C3orf20: variants seen among roughly 807,000 people sequenced by gnomAD.
The protein encoded by C3orf20 is uncharacterized protein C3orf20.
Under a neutral mutation model 88.3 loss-of-function variants are expected in C3orf20, and 76 were observed. That is an observed-to-expected ratio of 0.86 (90% confidence interval 0.72 to 1.04). The LOEUF (loss-of-function observed/expected upper bound fraction) is 1.04, where lower values mean the gene tolerates loss of function less well. Among genes scored for constraint, C3orf20 ranks in the 50% least tolerant of loss-of-function variants. The pLI is 0.00. For missense variants in C3orf20, 1,056 were observed against 1,123.3 expected, an observed-to-expected ratio of 0.94 and a Z score of 0.86; for synonymous variants, 436 against 437.4, an observed-to-expected ratio of 1.00 and a Z score of 0.04.
At chr3:14,687,195 A>G (rs1337908009) in intron 4 of C3orf20, among the ~76,000 whole-genome samples, 2 of 152,256 alleles carry the variant, frequency 1.3e-5, no homozygotes, top group African/African-American at 2.4e-5. Flanking sequence ...CCATGATACA[A>G]TCATTCAGGA....
chr3:14,742,332 T>A (rs1031178299), intron 12 of C3orf20, among the ~76,000 whole-genome samples: 2 of 152,100 alleles, frequency 1.3e-5, no homozygotes, highest in African/African-American at 4.8e-5. Context: ...GAAAAGTAGG[T>A]TTGGGAGGCG....
intron 12 of C3orf20, among the ~76,000 whole-genome samples, chr3:14,756,489 A>G (rs2035376465): frequency 6.6e-6 from 1 of 152,226 alleles, no homozygotes; most frequent in African/African-American, 2.4e-5. Flanking sequence ...ATTTAAAAGT[A>G]AAAGATATGT....
At chr3:14,755,983 T>C (rs1164704184) in intron 12 of C3orf20, among the ~76,000 whole-genome samples, 2 of 141,056 alleles carry the variant, frequency 1.4e-5, no homozygotes, top group Non-Finnish European at 3.0e-5. Flanking sequence ...GAGCCGAGAT[T>C]GCGCCACTGC....
Position 14,757,475 on chromosome 3 carries a change from G to T in C3orf20, c.2045G>T (p.Gly682Val). 1 of 1,613,470 alleles carries T rather than the reference G, an allele frequency of 6.2e-7. No homozygotes were observed. The highest frequency in any genetic ancestry group is 8.5e-7 in the Non-Finnish European group (1 of 1,179,994). ...KLMLKEDTRA[G>V]CKCLVKAPLV... Reference sequence around the variant, plus strand: ...ATGCTCAAGGAAGACACCCGTGCTGGCTGCAAGTGCCTGGTGAAGGCGCCC... The same window carrying T: ...ATGCTCAAGGAAGACACCCGTGCTGTCTGCAAGTGCCTGGTGAAGGCGCCC... The change falls in exon 13 of 17, where the codon GGC (glycine) becomes GTC (valine). Residue 682 changes from glycine (G) to valine (V), a missense_variant. Gly to Val is a moderately radical substitution (Grantham distance 109). Coordinates refer to ENST00000253697, the MANE Select transcript of C3orf20 (RefSeq NM_032137.5).
chr3:14,700,841 G>A (rs1272706493), intron 5 of C3orf20, among the ~76,000 whole-genome samples: 1 of 152,192 alleles, frequency 6.6e-6, no homozygotes, highest in Non-Finnish European at 1.5e-5. Flanking sequence ...GTCACTTTGG[G>A]TGTCGGGGCC....
chr3:14,709,031 A>G (rs1276399399), intron 7 of C3orf20, among the ~76,000 whole-genome samples: 1 of 152,262 alleles, frequency 6.6e-6, no homozygotes, highest in Non-Finnish European at 1.5e-5. Context: ...AATGAACAAA[A>G]GGAAATTATG....
At chr3:14,738,986 T>A (rs1304445468) in intron 12 of C3orf20, among the ~76,000 whole-genome samples, 3 of 151,738 alleles carry the variant, frequency 2.0e-5, no homozygotes, top group Non-Finnish European at 4.4e-5. Flanking sequence ...AGACGGGGTT[T>A]CGCCATGTTG....
chr3:14,679,866 T>C (rs915315168), intron 1 of C3orf20, among the ~76,000 whole-genome samples: 5 of 152,182 alleles, frequency 3.3e-5, no homozygotes, highest in Admixed American at 1.3e-4. Flanking sequence ...TAGGTCTGAA[T>C]ACACATTTCT....
At chr3:14,743,108 A>G (rs902856293) in intron 12 of C3orf20, among the ~76,000 whole-genome samples, 1 of 151,974 alleles carries the variant, frequency 6.6e-6, no homozygotes, top group Non-Finnish European at 1.5e-5. Context: ...GCATTAACCC[A>G]AAAGTCCAGT....
intron 10 of C3orf20, chr3:14,722,327 G>A: frequency 2.6e-6 from 1 of 383,452 alleles, no homozygotes; most frequent in Non-Finnish European, 5.3e-6. Context: ...GCCCATGCGT[G>A]AAACATTCCC....
Position 14,703,171 on chromosome 3 carries a change from C to G in C3orf20, c.787C>G (p.His263Asp). ...TTEDVSMPPL[H>D]RGVGTPANSL... is the part of the protein sequence containing the mutation. ...AGAAGATGTCAGCATGCCGCCCCTG[C>G]ATCGAGGAGTGGGAACCCCTGCCAA... is the stretch of plus-strand genomic sequence containing the variant. Residue 263 changes from histidine (H) to aspartate (D), a missense_variant, in exon 6 of 17, where the codon CAT becomes GAT. Transcript: ENST00000253697. The G allele has an allele frequency of 6.2e-7, 1 of 1,614,198 alleles. No homozygotes were observed. Among genetic ancestry groups the G allele is most frequent in the Non-Finnish European group, 8.5e-7 (1 of 1,180,040 alleles).
At chr3:14,694,756 T>G (rs2124916230) in intron 5 of C3orf20, among the ~76,000 whole-genome samples, 1 of 152,240 alleles carries the variant, frequency 6.6e-6, no homozygotes, top group East Asian at 1.9e-4. Context: ...TTTCTAGTTC[T>G]TTAAGTTGCA....
At chr3:14,719,586 C>T (rs2034072360) in intron 9 of C3orf20, among the ~76,000 whole-genome samples, 3 of 152,096 alleles carry the variant, frequency 2.0e-5, no homozygotes. Context: ...TGGACCCTGA[C>T]CTAGGGTGAG....
intron 12 of C3orf20, among the ~76,000 whole-genome samples, chr3:14,732,088 T>G (rs1352269976): frequency 6.6e-6 from 1 of 152,262 alleles, no homozygotes; most frequent in Non-Finnish European, 1.5e-5. Flanking sequence ...CCCAAGTAGC[T>G]GTACCATTAT....
intron 1 of C3orf20, among the ~76,000 whole-genome samples, chr3:14,675,909 C>G (rs1481830215): frequency 1.3e-5 from 2 of 152,058 alleles, no homozygotes; most frequent in African/African-American, 4.8e-5. Flanking sequence ...CCAGGCTGGT[C>G]TCGAGCTCCT....
At chr3:14,752,556 C>G (rs1375175046) in intron 12 of C3orf20, among the ~76,000 whole-genome samples, 1 of 152,154 alleles carries the variant, frequency 6.6e-6, no homozygotes, top group African/African-American at 2.4e-5. Context: ...AGGCAACCTA[C>G]AGAATGGGAG....
chr3:14,688,182 C>T (rs1316524816), intron 4 of C3orf20, among the ~76,000 whole-genome samples: 1 of 152,134 alleles, frequency 6.6e-6, no homozygotes, highest in Non-Finnish European at 1.5e-5. Context: ...TCGGGACCGT[C>T]CTCTTATGTG....
chr3:14,761,740 GGGGCTGGAGGT>G, intron 15 of C3orf20, 125 bp downstream of exon 15: 12 of 925,222 alleles, frequency 1.3e-5, no homozygotes, highest in East Asian at 3.0e-5. Flanking sequence ...AGTGGGGAGG[GGGGCTGGAGGT>G]GGGAAGCCTC....
intron 5 of C3orf20, among the ~76,000 whole-genome samples, chr3:14,696,414 C>T (rs1004348152): frequency 7.8e-5 from 9 of 115,324 alleles, no homozygotes; most frequent in Non-Finnish European, 1.1e-4. Context: ...TATTTTGAGA[C>T]GGAGTCACGC....
Sources: gnomAD v4.1 joint callset for allele counts (sites outside exome capture counted in the v4.1 genomes callset) on GRCh38, gnomAD v4.1.1 for gene constraint, MANE v1.5 for transcripts, NCBI Gene and HGNC (gene_info 2026-07-23, HGNC 2026-07-21) for gene names.